The following IL1RAPL1 variants were observed in gnomAD, a reference collection of about 807,000 sequenced individuals.
IL1RAPL1 encodes the protein interleukin-1 receptor accessory protein-like 1.
Under a neutral mutation model 48.4 loss-of-function variants are expected in IL1RAPL1, and 3 were observed. The observed-to-expected ratio is 0.06, with a 90% CI of 0.03 to 0.16. The LOEUF (loss-of-function observed/expected upper bound fraction) is 0.16. Ranked by LOEUF, IL1RAPL1 falls within the 10% of genes least tolerant of loss-of-function variation. The pLI, the probability that IL1RAPL1 is intolerant of heterozygous loss-of-function variation, is 1.00. For missense variants in IL1RAPL1, 349 were observed against 530.6 expected, an observed-to-expected ratio of 0.66 and a Z score of 3.36; for synonymous variants, 185 against 187.7, an observed-to-expected ratio of 0.99 and a Z score of 0.12.
At chrX:29,040,082 T>C (rs921266505) in intron 2 of IL1RAPL1, among the ~76,000 whole-genome samples, 1 of 112,505 alleles carries the variant, frequency 8.9e-6, no homozygotes, top group African/African-American at 3.2e-5. Flanking sequence ...TATGGGTTAT[T>C]ACAACGGTCA....
intron 2 of IL1RAPL1, among the ~76,000 whole-genome samples, chrX:28,969,830 T>TATATATGTTTCTAAAC (rs201308793): frequency 3.4e-5 from 3 of 88,993 alleles, no homozygotes; most frequent in African/African-American, 1.3e-4. Flanking sequence ...TTTAGAAACA[T>TATATATGTTTCTAAAC]ATATATGTTT....
At chrX:29,561,265 T>C (rs747317955) in intron 5 of IL1RAPL1, among the ~76,000 whole-genome samples, 1 of 112,333 alleles carries the variant, frequency 8.9e-6, no homozygotes, top group Non-Finnish European at 1.9e-5. Flanking sequence ...CTGTGTGTGC[T>C]TGTGCATGAT....
intron 2 of IL1RAPL1, among the ~76,000 whole-genome samples, chrX:28,847,500 C>T (rs1921541096): frequency 9.0e-6 from 1 of 111,633 alleles, no homozygotes; most frequent in Non-Finnish European, 1.9e-5. Context: ...CAAGTCCCCA[C>T]AGTTGCTCAC....
intron 2 of IL1RAPL1, among the ~76,000 whole-genome samples, chrX:29,280,888 T>C (rs1018339533): frequency 8.9e-6 from 1 of 112,027 alleles, no homozygotes; most frequent in Non-Finnish European, 1.9e-5. Context: ...GCCATGCAGA[T>C]GGTTGGCGAA....
At chrX:29,134,932 C>T (rs1929094139) in intron 2 of IL1RAPL1, among the ~76,000 whole-genome samples, 1 of 112,056 alleles carries the variant, frequency 8.9e-6, no homozygotes. Flanking sequence ...TTTACTTTTT[C>T]TAAATGTTGT....
At chrX:29,393,491 T>A (rs996782462) in intron 3 of IL1RAPL1, among the ~76,000 whole-genome samples, 11 of 111,532 alleles carry the variant, frequency 9.9e-5, no homozygotes, top group Non-Finnish European at 2.1e-4. Flanking sequence ...ACCCATGAGG[T>A]TGGGCTTTGG....
chrX:28,910,560 AAAT>A (rs1923333403), intron 2 of IL1RAPL1, among the ~76,000 whole-genome samples: 1 of 109,264 alleles, frequency 9.2e-6, no homozygotes, highest in Non-Finnish European at 1.9e-5. Flanking sequence ...AAAAAAGAAG[AAAT>A]AATTTTCATT....
intron 5 of IL1RAPL1, among the ~76,000 whole-genome samples, chrX:29,504,655 C>T (rs1387162306): frequency 8.9e-6 from 1 of 111,772 alleles, no homozygotes; most frequent in East Asian, 2.8e-4. Context: ...ATAGCTACTG[C>T]TACTCTTTTT....
chrX:28,734,763 A>G (rs1935801092), intron 1 of IL1RAPL1, among the ~76,000 whole-genome samples: 1 of 111,535 alleles, frequency 9.0e-6, no homozygotes, highest in Non-Finnish European at 1.9e-5. Context: ...AACATTTTTC[A>G]TTTACTGGTT....
chrX:29,780,849 G>A (rs1275280550), intron 6 of IL1RAPL1, among the ~76,000 whole-genome samples: 1 of 111,400 alleles, frequency 9.0e-6, no homozygotes, highest in Non-Finnish European at 1.9e-5. Flanking sequence ...GTGATGCCAT[G>A]TGTTTCCATA....
intron 1 of IL1RAPL1, among the ~76,000 whole-genome samples, chrX:28,704,123 A>G (rs1006286904): frequency 1.8e-5 from 2 of 112,013 alleles, no homozygotes. Flanking sequence ...TATTCCATAC[A>G]TATAGATTCT....
intron 3 of IL1RAPL1, among the ~76,000 whole-genome samples, chrX:29,284,251 C>G (rs747751074): frequency 1.8e-5 from 2 of 112,111 alleles, no homozygotes; most frequent in Admixed American, 1.9e-4. Context: ...ACCGTCATCT[C>G]TAATAATTAC....
chrX:29,565,712 C>G (rs1922378702), intron 5 of IL1RAPL1, among the ~76,000 whole-genome samples: 1 of 111,622 alleles, frequency 9.0e-6, no homozygotes, highest in African/African-American at 3.3e-5. Flanking sequence ...GAAATTAAAA[C>G]TTTTGGTATT....
intron 6 of IL1RAPL1, among the ~76,000 whole-genome samples, chrX:29,903,036 A>C (rs1198445255): frequency 9.0e-6 from 1 of 111,107 alleles, no homozygotes; most frequent in Non-Finnish European, 1.9e-5. Context: ...GAATTCTTAG[A>C]TAAATCTCTG....
chrX:29,247,168 C>A (rs1931529630), intron 2 of IL1RAPL1, among the ~76,000 whole-genome samples: 1 of 111,795 alleles, frequency 8.9e-6, no homozygotes, highest in African/African-American at 3.2e-5. Context: ...ATATATTTTT[C>A]TAAAAGCATA....
intron 3 of IL1RAPL1, among the ~76,000 whole-genome samples, chrX:29,381,836 AT>A (rs1569299179): frequency 2.7e-3 from 76 of 27,750 alleles, no homozygotes; most frequent in Non-Finnish European, 4.2e-3. Context: ...AAAAAAAAAT[AT>A]ATATATATAT....
intron 1 of IL1RAPL1, among the ~76,000 whole-genome samples, chrX:28,730,325 A>G (rs942842252): frequency 1.1e-4 from 12 of 111,591 alleles, no homozygotes; most frequent in Non-Finnish European, 1.5e-4. Context: ...ATATAGTTAG[A>G]AAGGGCTATA....
At chrX:28,825,703 T>A (rs182171309) in intron 2 of IL1RAPL1, among the ~76,000 whole-genome samples, 4 of 111,395 alleles carry the variant, frequency 3.6e-5, no homozygotes, top group Non-Finnish European at 7.6e-5. Context: ...TAAGTAAATC[T>A]TCAGGTATTG....
At chrX:29,507,623 T>TA in intron 5 of IL1RAPL1, among the ~76,000 whole-genome samples, 1 of 104,614 alleles carries the variant, frequency 9.6e-6, no homozygotes, top group Non-Finnish European at 1.9e-5. Flanking sequence ...TCTTTATTCT[T>TA]AAAAAAACAA....
Sources: gnomAD v4.1 joint callset for allele counts (sites outside exome capture counted in the v4.1 genomes callset) on GRCh38, gnomAD v4.1.1 for gene constraint, MANE v1.5 for transcripts, NCBI Gene and HGNC (gene_info 2026-07-23, HGNC 2026-07-21) for gene names.